Variants in HUWE1 observed in about 807,000 individuals in gnomAD.
HUWE1 encodes HECT, UBA and WWE domain containing E3 ubiquitin protein ligase 1, also known as E3 ubiquitin-protein ligase HUWE1.
In HUWE1, 18 loss-of-function variants were observed where a neutral mutation model predicts 299.4. The ratio of observed to expected loss-of-function variants is 0.06; its 90% CI spans 0.04 to 0.09. The LOEUF is 0.09. Ranked by LOEUF, HUWE1 falls within the 10% of genes least tolerant of loss-of-function variation. HUWE1 has a pLI of 1.00. For missense variants in HUWE1, 1,832 were observed against 3,462.3 expected (o/e 0.53, Z 11.82); for synonymous variants, 1,317 against 1,286.1 (o/e 1.02, Z -0.51).
At chrX:53,642,125 T>C (rs1183879854) in intron 7 of HUWE1, among the ~76,000 whole-genome samples, 2 of 111,838 alleles carry the variant, frequency 1.8e-5, no homozygotes, top group Non-Finnish European at 3.8e-5. Context: ...TATTGTATTA[T>C]ACTGCAAGTA....
intron 3 of HUWE1, among the ~76,000 whole-genome samples, chrX:53,679,386 TTA>T (rs1557052295): frequency 8.9e-6 from 1 of 112,643 alleles, no homozygotes; most frequent in African/African-American, 3.2e-5. Context: ...AGTTTTGATC[TTA>T]TATTTAAAGA....
intron 15 of HUWE1, 128 bp downstream of exon 15, chrX:53,628,365 A>G (rs2149020631): frequency 4.1e-6 from 3 of 728,424 alleles, no homozygotes; most frequent in East Asian, 3.5e-5. Context: ...CTACTTAAGT[A>G]TAACTTTTTC....
intron 8 of HUWE1, among the ~76,000 whole-genome samples, chrX:53,633,641 A>G (rs2067015781): frequency 8.9e-6 from 1 of 112,535 alleles, no homozygotes; most frequent in African/African-American, 3.2e-5. Flanking sequence ...GACAAGACAA[A>G]TCCCACGTGG....
rs1556932620 is a variant in HUWE1, at chrX:53,554,741, T to C, written c.8386A>G (p.Ser2796Gly). 1 of 1,210,773 alleles carries C rather than the reference T, an allele frequency of 8.3e-7. No individual in the cohort carries two copies. The highest frequency in any genetic ancestry group is 3.0e-5 in the East Asian group (1 of 33,800). ...ELQSPAGEGG[S>G]STQLLMPVEP... The stretch of plus-strand genomic sequence containing the variant: ...ACAGGCATCAATAGCTGTGTAGAGC[T>C]GCCCCCTTCTCCAGCTGGAGACTGC... Residue 2796 changes from serine to glycine, a missense_variant, in exon 61 of 84, where the codon AGC (serine) becomes GGC (glycine). Ser to Gly is a moderately conservative substitution (Grantham distance 56). Around this residue, in one of 15 missense-constraint regions of HUWE1, gnomAD observed 143 missense variants for 148.1 expected, o/e 0.97. Coordinates refer to ENST00000262854, the MANE Select transcript of HUWE1 (RefSeq NM_031407.7).
At position 53,648,543 on chromosome X, in the gene HUWE1, A is replaced by AAC. The variant is rs201540143; in HGVS notation, c.46-234_46-233insGT. Among the ~76,000 whole-genome samples, 1,102 of 98,822 alleles carry AAC rather than the reference A, an allele frequency of 0.011. 40 individuals carry two copies. Among genetic ancestry groups the AAC allele is most frequent in the African/African-American group, 0.053 (1,037 of 19,458 alleles). 85.8% of individuals were successfully genotyped at this position (98,822 alleles called of 115,157 possible). ...GGGCTTAAAAAACAAAAAAAAACAAAAAAAAACAAAAAACAAAACAAAAAC... is the reference window on the plus strand; with the variant it reads ...GGGCTTAAAAAACAAAAAAAAACAAAACAAAAAACAAAAAACAAAACAAAAAC... On this transcript the variant is annotated intron_variant, in intron 4 of 83. Transcript: ENST00000262854.
intron 50 of HUWE1, 141 bp downstream of exon 50, chrX:53,564,926 G>T: frequency 2.5e-6 from 2 of 800,594 alleles, no homozygotes; most frequent in Non-Finnish European, 3.8e-6. Context: ...TCTTTGTGGG[G>T]CAGATTCCCA....
At chrX:53,629,032 C>A in intron 13 of HUWE1, 130 bp from the exon 14 acceptor site, 1 of 533,617 alleles carries the variant, frequency 1.9e-6, no homozygotes. Flanking sequence ...GGATGGAGGT[C>A]TGTTGAGAGC....
chrX:53,676,398 A>C (rs1244697982), intron 3 of HUWE1, among the ~76,000 whole-genome samples: 1 of 111,596 alleles, frequency 9.0e-6, no homozygotes, highest in Non-Finnish European at 1.9e-5. Flanking sequence ...TATGATTATC[A>C]AGGCTTCTCA....
At chrX:53,634,178 G>A (rs970849929) in intron 8 of HUWE1, 58 bp downstream of exon 8, 2 of 908,063 alleles carry the variant, frequency 2.2e-6, no homozygotes, top group Admixed American at 2.2e-5. Flanking sequence ...GTAAAGTAAG[G>A]TTCACAGAGA....
At chrX:53,662,015 G>A (rs1316192181) in intron 3 of HUWE1, among the ~76,000 whole-genome samples, 2 of 111,558 alleles carry the variant, frequency 1.8e-5, no homozygotes, top group Non-Finnish European at 3.8e-5. Flanking sequence ...AAGGGCACAG[G>A]ACACCTGTAG....
In HUWE1 at chrX:53,592,474, C is replaced by G. The variant is rs781793405; in HGVS notation, c.3896G>C (p.Arg1299Pro). The G allele has an allele frequency of 8.3e-7, 1 of 1,208,582 alleles. No individual in the cohort carries two copies. Among genetic ancestry groups the G allele is most frequent in the Non-Finnish European group, 1.1e-6 (1 of 894,750 alleles). ...CTCTTGCCCTGTATCCTCTTCTCCTCGAGACCCCTCCTTCTCCTTGCTTAG... is the reference window on the plus strand; with the variant it reads ...CTCTTGCCCTGTATCCTCTTCTCCTGGAGACCCCTCCTTCTCCTTGCTTAG... ...ERLSKEKEGS[R>P]GEEDTGQEEG... is the part of the protein sequence containing the mutation. The change falls in exon 33 of 84, where the codon CGA becomes CCA. Residue 1299 changes from arginine to proline, a missense_variant. Arg to Pro is a moderately radical substitution (Grantham distance 103, BLOSUM62 -2). Around this residue, in one of 15 missense-constraint regions of HUWE1, gnomAD observed 658 missense variants for 1,282.6 expected, o/e 0.51. Transcript: ENST00000262854.
intron 11 of HUWE1, 133 bp from the exon 12 acceptor site, chrX:53,631,167 C>A (rs1195545442): frequency 5.9e-6 from 3 of 506,190 alleles, no homozygotes; most frequent in Non-Finnish European, 1.0e-5. Context: ...AAAGCTACCA[C>A]CACTTATTAC....
chrX:53,636,448 T>C (rs2067216323), intron 7 of HUWE1, among the ~76,000 whole-genome samples: 1 of 113,022 alleles, frequency 8.8e-6, no homozygotes, highest in Non-Finnish European at 1.9e-5. Flanking sequence ...CCAGGTGCGG[T>C]GGCTCATGCC....
intron 59 of HUWE1, among the ~76,000 whole-genome samples, chrX:53,557,945 T>C (rs1483249487): frequency 8.9e-6 from 1 of 111,964 alleles, no homozygotes; most frequent in Non-Finnish European, 1.9e-5. Flanking sequence ...ATCTACCTGA[T>C]TCCTTAACTG....
At chrX:53,584,479 TAC>T (rs2063765482) in intron 40 of HUWE1, 134 bp from the exon 41 acceptor site, 5 of 562,153 alleles carry the variant, frequency 8.9e-6, no homozygotes, top group Admixed American at 3.4e-5. Flanking sequence ...CTTTATCATT[TAC>T]AGAGAAAAAA....
intron 3 of HUWE1, among the ~76,000 whole-genome samples, chrX:53,673,822 C>A (rs2069676219): frequency 1.8e-5 from 2 of 111,299 alleles, no homozygotes; most frequent in African/African-American, 6.5e-5. Flanking sequence ...ATTCTCTGTA[C>A]TTCTCAGTAT....
At chrX:53,659,195 G>A (rs2068884155) in intron 3 of HUWE1, among the ~76,000 whole-genome samples, 1 of 112,171 alleles carries the variant, frequency 8.9e-6, no homozygotes, top group African/African-American at 3.2e-5. Context: ...ATACTCCCTG[G>A]TATTTACCCA....
At position 53,652,169 on chromosome X, in the gene HUWE1, T is replaced by A. The variant is rs1230884158; in HGVS notation, c.45+1894A>T. Among the ~76,000 whole-genome samples the A allele has an allele frequency of 2.7e-5, 3 of 112,143 alleles. No individual in the cohort carries two copies. The East Asian group carries it at 8.3e-4, about 31-fold the overall frequency. On this transcript the variant is annotated intron_variant, in intron 4 of 83. Coordinates refer to ENST00000262854, the MANE Select transcript of HUWE1 (RefSeq NM_031407.7). ...TTCACACCTATTAGGATGGCTATTG[T>A]CATGTCTTTTTAATTTTGGATACAG...
intron 6 of HUWE1, among the ~76,000 whole-genome samples, chrX:53,646,084 C>G (rs1198892418): frequency 9.0e-6 from 1 of 110,609 alleles, no homozygotes; most frequent in Non-Finnish European, 1.9e-5. Flanking sequence ...GATAACAGCT[C>G]GTGGCAATTA....
Sources: gnomAD v4.1 joint callset for allele counts (sites outside exome capture counted in the v4.1 genomes callset) on GRCh38, gnomAD v4.1.1 for gene constraint, gnomAD v4.1.1 regional missense constraint, MANE v1.5 for transcripts, NCBI Gene and HGNC (gene_info 2026-07-23, HGNC 2026-07-21) for gene names.